Variants in ELP4 observed in about 807,000 individuals in gnomAD.
ELP4 encodes the protein elongator complex protein 4.
A neutral mutation model predicts 48.9 loss-of-function variants in ELP4; 51 were observed. That is an observed-to-expected ratio of 1.04 (90% CI 0.83 to 1.32). ELP4 has a LOEUF of 1.32. ELP4 is among the 40% of genes most tolerant of loss of function. The pLI is 0.00. For missense variants in ELP4, 519 were observed against 514.6 expected, an observed-to-expected ratio of 1.01 and a Z score of -0.08; for synonymous variants, 210 against 189.2, an observed-to-expected ratio of 1.11 and a Z score of -0.90.
chr11:31,782,015 T>A (rs1372212000), intron 9 of ELP4, among the ~76,000 whole-genome samples: 1 of 152,170 alleles, frequency 6.6e-6, no homozygotes, highest in Non-Finnish European at 1.5e-5. Flanking sequence ...ACTCTATGAG[T>A]GTTACAGCTT....
chr11:31,510,333 G>C, intron 1 of ELP4: 1 of 497,638 alleles, frequency 2.0e-6, no homozygotes, highest in South Asian at 4.1e-5. Context: ...AGATGGTTTG[G>C]CTTTCATTCA....
intron 9 of ELP4, among the ~76,000 whole-genome samples, chr11:31,742,044 T>G (rs1312302453): frequency 6.6e-6 from 1 of 151,992 alleles, no homozygotes; most frequent in East Asian, 1.9e-4. Flanking sequence ...CGCAGAAAAG[T>G]CCTTAAATCA....
At chr11:31,580,238 T>C (rs1308133516) in intron 3 of ELP4, among the ~76,000 whole-genome samples, 1 of 152,232 alleles carries the variant, frequency 6.6e-6, no homozygotes, top group Non-Finnish European at 1.5e-5. Context: ...TGATTGGTTT[T>C]AGAAGCATAC....
intron 5 of ELP4, among the ~76,000 whole-genome samples, chr11:31,622,103 CTT>C (rs1179180056): frequency 6.6e-6 from 1 of 151,714 alleles, no homozygotes; most frequent in African/African-American, 2.4e-5. Flanking sequence ...GTACCAAACA[CTT>C]TATCAGTTGA....
At chr11:31,586,645 T>G (rs563281847) in intron 3 of ELP4, among the ~76,000 whole-genome samples, 18 of 143,814 alleles carry the variant, frequency 1.3e-4, no homozygotes, top group South Asian at 6.5e-4. Context: ...TGTTTTTTGG[T>G]TTTTTTTTTT....
At chr11:31,609,270 C>G (rs1019828808) in intron 5 of ELP4, among the ~76,000 whole-genome samples, 9 of 152,130 alleles carry the variant, frequency 5.9e-5, no homozygotes, top group African/African-American at 2.2e-4. Context: ...TTGGCACGAT[C>G]TCGTTGGGCT....
At position 31,665,127 on chromosome 11, in the gene ELP4, A is replaced by C. The variant is rs1474929294; in HGVS notation, c.1143+14906A>C. 2.0e-5 allele frequency among the ~76,000 whole-genome samples: 3 copies of C among 152,122 alleles called. No individual in the cohort carries two copies. The East Asian group carries it at 5.8e-4, about 29-fold the overall frequency. ...CAAGCGGCAGTTTGGAGCTGGGATAAACTATCTATCATGATTGCATACCAC... is the reference window on the plus strand; with the variant it reads ...CAAGCGGCAGTTTGGAGCTGGGATACACTATCTATCATGATTGCATACCAC... On this transcript the variant is annotated intron_variant, in intron 9 of 9. Coordinates refer to ENST00000640961, the MANE Select transcript of ELP4 (RefSeq NM_019040.5).
intron 9 of ELP4, among the ~76,000 whole-genome samples, chr11:31,749,127 A>G (rs1947662835): frequency 6.6e-6 from 1 of 152,198 alleles, no homozygotes; most frequent in African/African-American, 2.4e-5. Context: ...GACTTATGGA[A>G]TGCCTTGAAA....
intron 3 of ELP4, among the ~76,000 whole-genome samples, chr11:31,582,559 C>A (rs1046091314): frequency 6.6e-6 from 1 of 152,030 alleles, no homozygotes; most frequent in Non-Finnish European, 1.5e-5. Flanking sequence ...CTGCTCCTGG[C>A]ATTGTTTTCA....
At chr11:31,510,492 C>T (rs906567727) in intron 1 of ELP4, 37 of 408,870 alleles carry the variant, frequency 9.0e-5, no homozygotes, top group African/African-American at 6.9e-4. Flanking sequence ...TTCTCTGGTT[C>T]TAAATCTTAA....
intron 3 of ELP4, among the ~76,000 whole-genome samples, chr11:31,544,115 G>C (rs1460646054): frequency 6.6e-6 from 1 of 152,216 alleles, no homozygotes; most frequent in Non-Finnish European, 1.5e-5. Context: ...GAGGTACCAG[G>C]TTCATCTCAC....
At chr11:31,646,467 G>A (rs1200169037) in intron 7 of ELP4, 2 of 151,650 alleles carry the variant, frequency 1.3e-5, no homozygotes, top group Non-Finnish European at 2.9e-5. Context: ...TACCAAGTCA[G>A]GTAACATTGA....
At chr11:31,666,004 CTTTTTTT>C (rs35902758) in intron 9 of ELP4, among the ~76,000 whole-genome samples, 15 of 85,332 alleles carry the variant, frequency 1.8e-4, no homozygotes, top group Admixed American at 1.5e-3. Context: ...GTTTCAAATT[CTTTTTTT>C]TTTTTTTTTT....
chr11:31,661,396 T>A (rs1013631864), intron 9 of ELP4, among the ~76,000 whole-genome samples: 10 of 152,060 alleles, frequency 6.6e-5, no homozygotes, highest in Non-Finnish European at 1.3e-4. Flanking sequence ...TTTATTTAGT[T>A]CTTGAATATC....
chr11:31,556,092 A>G (rs1418849439), intron 3 of ELP4, among the ~76,000 whole-genome samples: 3 of 151,908 alleles, frequency 2.0e-5, no homozygotes, highest in African/African-American at 7.2e-5. Flanking sequence ...TAAAAAGCCC[A>G]TCAGCTGCCT....
At chr11:31,671,273 T>C (rs1267513910) in intron 9 of ELP4, among the ~76,000 whole-genome samples, 1 of 152,194 alleles carries the variant, frequency 6.6e-6, no homozygotes, top group Non-Finnish European at 1.5e-5. Flanking sequence ...GTTAAATTGT[T>C]AATGTGTAGA....
chr11:31,627,745 A>C (rs1433922077), intron 6 of ELP4, among the ~76,000 whole-genome samples: 1 of 152,112 alleles, frequency 6.6e-6, no homozygotes, highest in African/African-American at 2.4e-5. Flanking sequence ...AGTTTAGCTT[A>C]AACAAAGTGA....
chr11:31,734,263 A>G (rs1291187485), intron 9 of ELP4, among the ~76,000 whole-genome samples: 3 of 152,258 alleles, frequency 2.0e-5, no homozygotes, highest in African/African-American at 7.2e-5. Flanking sequence ...AACATACTGT[A>G]TGGTGAAAAA....
At chr11:31,607,667 A>C (rs1421660372) in intron 5 of ELP4, among the ~76,000 whole-genome samples, 1 of 152,222 alleles carries the variant, frequency 6.6e-6, no homozygotes, top group Non-Finnish European at 1.5e-5. Context: ...TGACGATGTT[A>C]GTTCTTGAAT....
Sources: gnomAD v4.1 joint callset for allele counts (sites outside exome capture counted in the v4.1 genomes callset) on GRCh38, gnomAD v4.1.1 for gene constraint, MANE v1.5 for transcripts, NCBI Gene and HGNC (gene_info 2026-07-23, HGNC 2026-07-21) for gene names.